ANKH: variants seen among roughly 807,000 people sequenced by gnomAD.
The protein encoded by ANKH is ANKH inorganic pyrophosphate transport regulator.
Under a neutral mutation model 49.0 loss-of-function variants are expected in ANKH, and 15 were observed. The observed-to-expected ratio is 0.31, with a 90% CI of 0.20 to 0.47. The LOEUF is 0.47. ANKH is among the 20% of genes least tolerant of loss of function. The probability of loss-of-function intolerance (pLI) is 1.00; values close to 1 mark genes in which losing one functional copy is unlikely to be tolerated. For synonymous variants in ANKH, 273 were observed against 260.0 expected (o/e 1.05, Z -0.48); for missense variants, 429 against 652.0 (o/e 0.66, Z 3.72).
At chr5:14,767,110 T>C (rs892488488) in intron 2 of ANKH, among the ~76,000 whole-genome samples, 1 of 150,836 alleles carries the variant, frequency 6.6e-6, no homozygotes, top group Non-Finnish European at 1.5e-5. Flanking sequence ...GGCTGGGGGG[T>C]GGAGAGAGAG....
intron 1 of ANKH, among the ~76,000 whole-genome samples, chr5:14,809,379 A>G (rs1428399933): frequency 6.6e-6 from 1 of 150,630 alleles, no homozygotes; most frequent in African/African-American, 2.4e-5. Context: ...AAATGGAAAT[A>G]AGGAAAAAAA....
chr5:14,779,178 G>GTGAGT (rs1026581055), intron 1 of ANKH, among the ~76,000 whole-genome samples: 3 of 152,186 alleles, frequency 2.0e-5, no homozygotes, highest in African/African-American at 7.2e-5. Flanking sequence ...CCTGACCAGG[G>GTGAGT]TGAGTGTGGG....
At chr5:14,843,100 T>C (rs1741858165) in intron 1 of ANKH, among the ~76,000 whole-genome samples, 1 of 151,622 alleles carries the variant, frequency 6.6e-6, no homozygotes, top group Non-Finnish European at 1.5e-5. Flanking sequence ...TGCCTACAAC[T>C]CAGCAGCAGC....
Position 14,740,434 on chromosome 5 carries a change from TG to T in ANKH, c.1011+1392del, listed in dbSNP as rs550581621. Among the ~76,000 whole-genome samples the T allele has an allele frequency of 8.9e-4, 136 of 152,110 alleles. 1 individual carries two copies. Among genetic ancestry groups the T allele is most frequent in the African/African-American group, 3.1e-3 (130 of 41,490 alleles). On this transcript the variant is annotated intron_variant, in intron 8 of 11. Transcript: ENST00000284268. ...ATGCTAACAGGGGAGCATGGCTGCC[TG>T]GGGAACCGGCCCCGCTCAAACAGGC...
In ANKH at chr5:14,704,855, CTATT is replaced by C. The variant is rs1342248209; in HGVS notation, c.*6338_*6341del. 6 of 152,242 alleles carry C rather than the reference CTATT, an allele frequency of 3.9e-5. No individual in the cohort carries two copies. The highest frequency in any genetic ancestry group is 8.8e-5 in the Non-Finnish European group (6 of 68,020). The allele number at this position is 152,242 out of a possible 1,614,324, so 9.4% of individuals were successfully genotyped here. Reference sequence around the variant, plus strand: ...TTAAAGTAAAATTAGAGTATGAAACCTATTTGACAATATATGAATACAAATCCAT... The same window carrying C: ...TTAAAGTAAAATTAGAGTATGAAACCTGACAATATATGAATACAAATCCAT... On this transcript the variant is annotated 3_prime_UTR_variant, in exon 12 of 12. Coordinates refer to ENST00000284268, the MANE Select transcript of ANKH (RefSeq NM_054027.6).
chr5:14,715,426 C>T lies in ANKH; in HGVS notation c.1141+1280G>A, dbSNP rs562757715. ...AATTACAGGCATAAGCCACTGCGCC[C>T]GGCCCATGGCTCCTTTCTTAACATT... On this transcript the variant is annotated intron_variant, in intron 9 of 11. Coordinates refer to ENST00000284268, the MANE Select transcript of ANKH (RefSeq NM_054027.6). Among the ~76,000 whole-genome samples, 706 of 152,164 alleles carry T rather than the reference C, an allele frequency of 4.6e-3. 4 individuals are homozygous for T. The highest frequency in any genetic ancestry group is 0.016 in the African/African-American group (663 of 41,500).
chr5:14,720,498 A>AT (rs1484004406), intron 8 of ANKH, among the ~76,000 whole-genome samples: 1 of 152,048 alleles, frequency 6.6e-6, no homozygotes, highest in Non-Finnish European at 1.5e-5. Flanking sequence ...TTGGAACACT[A>AT]TTTCCCTGTC....
At chr5:14,866,135 T>C (rs1458470626) in intron 1 of ANKH, among the ~76,000 whole-genome samples, 1 of 152,206 alleles carries the variant, frequency 6.6e-6, no homozygotes, top group African/African-American at 2.4e-5. Context: ...GCCTCCCAAG[T>C]AGCTGGGATT....
Position 14,720,646 on chromosome 5 carries a change from T to C in ANKH, c.1012-3811A>G, listed in dbSNP as rs533082878. 6.6e-5 allele frequency among the ~76,000 whole-genome samples: 10 copies of C among 152,360 alleles called. No homozygotes were observed. The South Asian group carries it at 1.4e-3, about 22-fold the overall frequency. On this transcript the variant is annotated intron_variant, in intron 8 of 11. Transcript: ENST00000284268. The stretch of plus-strand genomic sequence containing the variant: ...ACTGCCTTACAGTCTGGGCTGGCTC[T>C]GTGCCTTAGAACCTACAGGAAGTAA...
At chr5:14,731,720 G>A (rs74481145) in intron 8 of ANKH, among the ~76,000 whole-genome samples, 198 of 152,354 alleles carry the variant, frequency 1.3e-3, no homozygotes, top group African/African-American at 4.5e-3. Flanking sequence ...CCCAGTCCTT[G>A]ACTGGAGCTT....
chr5:14,712,078 T>C (rs1179036777), intron 11 of ANKH, among the ~76,000 whole-genome samples: 2 of 152,220 alleles, frequency 1.3e-5, no homozygotes, highest in Admixed American at 1.3e-4. Context: ...CTACCCTGCT[T>C]TTCTTTCATT....
At chr5:14,847,890 C>G (rs1166356099) in intron 1 of ANKH, among the ~76,000 whole-genome samples, 1 of 152,220 alleles carries the variant, frequency 6.6e-6, no homozygotes, top group Non-Finnish European at 1.5e-5. Context: ...CGCCTGTAAT[C>G]CCAACACTTT....
chr5:14,831,772 T>C (rs1427473103), intron 1 of ANKH, among the ~76,000 whole-genome samples: 1 of 152,220 alleles, frequency 6.6e-6, no homozygotes, highest in African/African-American at 2.4e-5. Flanking sequence ...AGGCACAGAA[T>C]TGAAAACAGT....
intron 2 of ANKH, 101 bp downstream of exon 2, chr5:14,768,870 ATAAT>A: frequency 3.2e-6 from 4 of 1,248,826 alleles, no homozygotes; most frequent in Non-Finnish European, 4.7e-6. Context: ...GAAACATTTG[ATAAT>A]TAGTGAAGAA....
chr5:14,849,751 C>T (rs1223547928), intron 1 of ANKH, among the ~76,000 whole-genome samples: 2 of 152,174 alleles, frequency 1.3e-5, no homozygotes, highest in African/African-American at 4.8e-5. Context: ...CCGGACGATC[C>T]CTCTGCCCTG....
intron 4 of ANKH, among the ~76,000 whole-genome samples, chr5:14,751,763 T>TA (rs1021933383): frequency 1.9e-4 from 29 of 152,212 alleles, no homozygotes; most frequent in African/African-American, 7.0e-4. Context: ...GGAGGCATTA[T>TA]AAATAATTTC....
chr5:14,710,462 G>C lies in ANKH; in HGVS notation c.*735C>G, dbSNP rs1737125422. On this transcript the variant is annotated 3_prime_UTR_variant, in exon 12 of 12. Coordinates refer to ENST00000284268, the MANE Select transcript of ANKH (RefSeq NM_054027.6). ...TACACGGTGGGGGTGAGAACTGACA[G>C]CTTGCTCAGATCTAGGAGAACGCAG... 2.0e-5 allele frequency: 3 copies of C among 152,640 alleles called. No individual in the cohort carries two copies. The highest frequency in any genetic ancestry group is 7.2e-5 in the African/African-American group (3 of 41,446). 9.5% of individuals were successfully genotyped at this position (152,640 alleles called of 1,614,324 possible).
At chr5:14,827,457 A>T (rs1259767903) in intron 1 of ANKH, among the ~76,000 whole-genome samples, 2 of 152,202 alleles carry the variant, frequency 1.3e-5, no homozygotes, top group Non-Finnish European at 2.9e-5. Context: ...ATAAATGCAC[A>T]CATATGAGAC....
At position 14,769,102 on chromosome 5, in the gene ANKH, G is replaced by A; in HGVS notation, c.186C>T (p.Phe62=). Residue 62 remains phenylalanine (F), a synonymous_variant, in exon 2 of 12, where the codon TTC becomes TTT. Coordinates refer to ENST00000284268, the MANE Select transcript of ANKH (RefSeq NM_054027.6). ...TTTTGAAGTCACTCATGGGACCCGT[G>A]AAGAACTTCATGAGGGAGTACGCCA... is the stretch of plus-strand genomic sequence containing the variant. ...YGLAYSLMKF[F]TGPMSDFKNV... is the part of the protein sequence containing the mutation. The A allele has an allele frequency of 6.2e-7, 1 of 1,614,110 alleles. No individual in the cohort carries two copies. Among genetic ancestry groups the A allele is most frequent in the Non-Finnish European group, 8.5e-7 (1 of 1,180,036 alleles).
Sources: gnomAD v4.1 joint callset for allele counts (sites outside exome capture counted in the v4.1 genomes callset) on GRCh38, gnomAD v4.1.1 for gene constraint, MANE v1.5 for transcripts, NCBI Gene and HGNC (gene_info 2026-07-23, HGNC 2026-07-21) for gene names.